Variants in RNF6 observed in about 807,000 individuals in gnomAD.
RNF6 encodes the protein ring finger protein 6, also known as E3 ubiquitin-protein ligase RNF6.
A neutral mutation model predicts 50.1 loss-of-function variants in RNF6; 21 were observed. The ratio of observed to expected loss-of-function variants is 0.42; its 90% confidence interval spans 0.30 to 0.60. The LOEUF is 0.60. Among genes scored for constraint, RNF6 ranks in the 20% least tolerant of loss-of-function variants. RNF6 has a pLI of 0.20. For missense variants in RNF6, 698 were observed against 838.2 expected (o/e 0.83, Z 2.07); for synonymous variants, 255 against 291.8 (o/e 0.87, Z 1.29).
At chr13:26,216,203 G>A (rs1461724811) in intron 4 of RNF6, among the ~76,000 whole-genome samples, 1 of 152,152 alleles carries the variant, frequency 6.6e-6, no homozygotes, top group Non-Finnish European at 1.5e-5. Context: ...GGTCTCTATG[G>A]CTGATCCTTG....
In RNF6 at chr13:26,213,656, T is replaced by A. The variant is rs1464600733; in HGVS notation, c.*168A>T. On this transcript the variant is annotated 3_prime_UTR_variant, in exon 5 of 5. Coordinates refer to ENST00000381588, the MANE Select transcript of RNF6 (RefSeq NM_005977.4). ...TAATTTAACATTTGTATTTTAAATT[T>A]TATATAAATTTCTTTTTAACAAGTT... is the stretch of plus-strand genomic sequence containing the variant. 2.1e-6 allele frequency: 1 copy of A among 465,398 alleles called. No homozygotes were observed. Among genetic ancestry groups the A allele is most frequent in the African/African-American group, 2.0e-5 (1 of 49,778 alleles). 28.8% of individuals were successfully genotyped at this position (465,398 alleles called of 1,614,324 possible). A position where few individuals can be genotyped will look rare whatever the true frequency, so the allele number is the denominator to read the frequency against.
At chr13:26,135,209 C>G (rs1593138155) in intron 5 of RNF6, among the ~76,000 whole-genome samples, 1 of 152,180 alleles carries the variant, frequency 6.6e-6, no homozygotes, top group Non-Finnish European at 1.5e-5. Flanking sequence ...CCACCCCTTG[C>G]AATCTAGCCA....
At chr13:26,191,937 A>G (rs1868480393) in intron 5 of RNF6, among the ~76,000 whole-genome samples, 1 of 152,198 alleles carries the variant, frequency 6.6e-6, no homozygotes, top group Non-Finnish European at 1.5e-5. Context: ...GAAGTTGGCC[A>G]TGCAGTAATG....
At chr13:26,198,465 C>CAAAT (rs1478651537) in intron 5 of RNF6, among the ~76,000 whole-genome samples, 7 of 151,760 alleles carry the variant, frequency 4.6e-5, no homozygotes, top group Non-Finnish European at 1.0e-4. Flanking sequence ...AATATCTGAC[C>CAAAT]AAATAGCTGG....
chr13:26,139,658 T>G (rs1159699272), intron 5 of RNF6, among the ~76,000 whole-genome samples: 1 of 152,202 alleles, frequency 6.6e-6, no homozygotes, highest in Non-Finnish European at 1.5e-5. Flanking sequence ...CTTTATAATA[T>G]TGACTCTTCC....
At chr13:26,193,613 G>C (rs751687889) in intron 5 of RNF6, among the ~76,000 whole-genome samples, 2 of 152,226 alleles carry the variant, frequency 1.3e-5, no homozygotes, top group Non-Finnish European at 2.9e-5. Flanking sequence ...CTTCCAAGGA[G>C]TTTTGCAGTG....
intron 5 of RNF6, among the ~76,000 whole-genome samples, chr13:26,200,196 C>T (rs75978135): frequency 0.029 from 4,430 of 152,250 alleles, 100 homozygotes; most frequent in South Asian, 0.049. Context: ...CAAGGCAATA[C>T]CTGACATCAT....
rs1869557052 is a variant in RNF6, at chr13:26,214,150, C to A, written c.1732G>T (p.Val578Phe). The change falls in exon 5 of 5, where the codon GTT becomes TTT. Residue 578 changes from valine (V) to phenylalanine (F), a missense_variant. By Grantham distance (50) the Val-to-Phe change is conservative (BLOSUM62 -1). Coordinates refer to ENST00000381588, the MANE Select transcript of RNF6 (RefSeq NM_005977.4). ...AGAATGGGTAGTGTTCCAGTTTCAA[C>A]TAAATTGTTTGGATTTCGCAACTGC... ...GRQLRNPNNL[V>F]ETGTLPILRL... The A allele has an allele frequency of 1.2e-6, 2 of 1,614,196 alleles. No homozygotes were observed. The highest frequency in any genetic ancestry group is 1.7e-6 in the Non-Finnish European group (2 of 1,180,034).
intron 5 of RNF6, among the ~76,000 whole-genome samples, chr13:26,137,141 G>A (rs367547834): frequency 2.6e-5 from 4 of 152,092 alleles, no homozygotes; most frequent in African/African-American, 2.4e-5. Flanking sequence ...CCCCCTGAAA[G>A]CTTGTTTTTA....
chr13:26,219,157 T>G (rs2137790937), intron 3 of RNF6: 1 of 211,336 alleles, frequency 4.7e-6, no homozygotes, highest in East Asian at 1.1e-4. Context: ...CATATTTTAT[T>G]TGTATAAAAA....
intron 5 of RNF6, among the ~76,000 whole-genome samples, chr13:26,189,274 G>A (rs550107320): frequency 6.6e-6 from 1 of 152,126 alleles, no homozygotes; most frequent in African/African-American, 2.4e-5. Context: ...GTTGCAGTGA[G>A]CCAAGGTCAT....
At chr13:26,190,422 T>G (rs1868409412) in intron 5 of RNF6, among the ~76,000 whole-genome samples, 1 of 152,202 alleles carries the variant, frequency 6.6e-6, no homozygotes, top group East Asian at 1.9e-4. Context: ...CATAGTTATC[T>G]CTTCCAACTC....
Position 26,213,001 on chromosome 13 carries a change from T to C in RNF6, c.*823A>G, listed in dbSNP as rs1474305778. The C allele has an allele frequency of 2.0e-5, 3 of 152,566 alleles. No individual in the cohort carries two copies. Among genetic ancestry groups the C allele is most frequent in the Non-Finnish European group, 2.9e-5 (2 of 67,998 alleles). 9.5% of individuals were successfully genotyped at this position (152,566 alleles called of 1,614,324 possible). On this transcript the variant is annotated 3_prime_UTR_variant, in exon 5 of 5. Transcript: ENST00000381588. ...ATACCTTATTTAATAATCCAAAGAATTGTTTGCACTTTCAAAAAAGTTACA... is the reference window on the plus strand; with the variant it reads ...ATACCTTATTTAATAATCCAAAGAACTGTTTGCACTTTCAAAAAAGTTACA...
chr13:26,184,014 ATATATTTT>A (rs1223174532), intron 5 of RNF6, among the ~76,000 whole-genome samples: 9 of 57,994 alleles, frequency 1.6e-4, no homozygotes, highest in African/African-American at 4.8e-4. Context: ...ATATATATAT[ATATATTTT>A]TTTTTTTTTT....
intron 5 of RNF6, among the ~76,000 whole-genome samples, chr13:26,170,426 A>G (rs1266322140): frequency 6.6e-6 from 1 of 152,192 alleles, no homozygotes; most frequent in Admixed American, 6.5e-5. Context: ...TGGGTGAAGG[A>G]ATTTTCCTGC....
chr13:26,175,197 C>T (rs1232510711), intron 5 of RNF6, among the ~76,000 whole-genome samples: 1 of 152,186 alleles, frequency 6.6e-6, no homozygotes, highest in African/African-American at 2.4e-5. Context: ...TCTCTTGCCT[C>T]AGCCCCCCGA....
intron 5 of RNF6, among the ~76,000 whole-genome samples, chr13:26,173,691 T>TG (rs754122121): frequency 2.0e-4 from 29 of 148,218 alleles, no homozygotes; most frequent in East Asian, 5.9e-4. Context: ...TTTATTTCTT[T>TG]GGAAAAAAAA....
chr13:26,155,569 G>A (rs1362818430), intron 5 of RNF6, among the ~76,000 whole-genome samples: 4 of 152,174 alleles, frequency 2.6e-5, no homozygotes, highest in African/African-American at 9.7e-5. Flanking sequence ...GGGAAATTAT[G>A]AGCGTCATCA....
intron 5 of RNF6, among the ~76,000 whole-genome samples, chr13:26,165,234 T>C (rs1593160011): frequency 1.3e-5 from 2 of 152,126 alleles, no homozygotes; most frequent in Admixed American, 1.3e-4. Context: ...TTCCACATGG[T>C]GTTGAGCCTG....
Sources: gnomAD v4.1 joint callset for allele counts (sites outside exome capture counted in the v4.1 genomes callset) on GRCh38, gnomAD v4.1.1 for gene constraint, MANE v1.5 for transcripts, NCBI Gene and HGNC (gene_info 2026-07-23, HGNC 2026-07-21) for gene names.